The following PTPRT variants were observed in gnomAD, a reference collection of about 807,000 sequenced individuals.
The protein encoded by PTPRT is receptor-type tyrosine-protein phosphatase T.
Under a neutral mutation model 176.8 loss-of-function variants are expected in PTPRT, and 56 were observed. The ratio of observed to expected loss-of-function variants is 0.32; its 90% CI spans 0.26 to 0.40. The LOEUF is 0.40. Ranked by LOEUF, PTPRT falls within the 10% of genes least tolerant of loss-of-function variation. The probability of loss-of-function intolerance (pLI) is 1.00; values close to 1 mark genes in which losing one functional copy is unlikely to be tolerated. For synonymous variants in PTPRT, 783 were observed against 739.0 expected (o/e 1.06, Z -0.96); for missense variants, 1,540 against 1,908.2 (o/e 0.81, Z 3.60).
At chr20:42,768,770 T>A (rs1569144903) in intron 5 of PTPRT, among the ~76,000 whole-genome samples, 1 of 152,214 alleles carries the variant, frequency 6.6e-6, no homozygotes, top group Non-Finnish European at 1.5e-5. Flanking sequence ...TTTTGTGAAA[T>A]AAGATTTGGT....
intron 29 of PTPRT, among the ~76,000 whole-genome samples, chr20:42,082,874 A>C (rs1983476711): frequency 6.6e-6 from 1 of 152,188 alleles, no homozygotes; most frequent in Admixed American, 6.5e-5. Context: ...CTGGACAGAA[A>C]CTAAGGCACT....
chr20:43,107,224 G>T (rs2012654805), intron 1 of PTPRT, among the ~76,000 whole-genome samples: 1 of 152,144 alleles, frequency 6.6e-6, no homozygotes, highest in South Asian at 2.1e-4. Flanking sequence ...AGTCAAATAA[G>T]GAAGAAAATA....
intron 22 of PTPRT, among the ~76,000 whole-genome samples, chr20:42,111,679 A>G (rs1221763883): frequency 6.6e-6 from 1 of 152,204 alleles, no homozygotes; most frequent in African/African-American, 2.4e-5. Flanking sequence ...ATAAATCCCT[A>G]TATTTTTATC....
Position 42,232,370 on chromosome 20 carries a change from A to T in PTPRT, c.2342+3859T>A, listed in dbSNP as rs145479684. Among the ~76,000 whole-genome samples the T allele has an allele frequency of 9.8e-5, 15 of 152,312 alleles. No individual in the cohort carries two copies. The East Asian group carries it at 2.5e-3, about 26-fold the overall frequency. On this transcript the variant is annotated intron_variant, in intron 15 of 30. Coordinates refer to ENST00000373187, the MANE Select transcript of PTPRT (RefSeq NM_007050.6). ...TTAAGTCAGTGATTCTCTAACATGCATATGAATCACCTGCGACCTTGTTAC... is the reference window on the plus strand; with the variant it reads ...TTAAGTCAGTGATTCTCTAACATGCTTATGAATCACCTGCGACCTTGTTAC...
intron 12 of PTPRT, among the ~76,000 whole-genome samples, chr20:42,293,585 G>A (rs1299707364): frequency 6.6e-6 from 1 of 152,050 alleles, no homozygotes; most frequent in Non-Finnish European, 1.5e-5. Flanking sequence ...ATAATAAATT[G>A]CAAGGATTTG....
Position 42,282,345 on chromosome 20 carries a change from G to A in PTPRT, c.2176+144C>T, listed in dbSNP as rs527626663. On this transcript the variant is annotated intron_variant, in intron 13 of 30. Coordinates refer to ENST00000373187, the MANE Select transcript of PTPRT (RefSeq NM_007050.6). ...TACTAATATACACCCTAGAATGTAT[G>A]TTCTAGATGCAAATGACTCCGGTGA... 5.3e-5 allele frequency: 41 copies of A among 774,626 alleles called. No homozygotes were observed. The African/African-American group carries it at 5.7e-4, about 11-fold the overall frequency. The allele number at this position is 774,626 out of a possible 1,614,324, so 48.0% of individuals were successfully genotyped here.
chr20:42,725,159 C>T (rs1379263234), intron 6 of PTPRT, among the ~76,000 whole-genome samples: 1 of 151,720 alleles, frequency 6.6e-6, no homozygotes, highest in African/African-American at 2.4e-5. Flanking sequence ...TCCTGAGTAG[C>T]AGGGATCACA....
intron 16 of PTPRT, among the ~76,000 whole-genome samples, chr20:42,181,074 C>G (rs1990501575): frequency 6.6e-6 from 1 of 152,194 alleles, no homozygotes; most frequent in Non-Finnish European, 1.5e-5. Flanking sequence ...GTCCTTGGCA[C>G]ACAGTTAGGG....
chr20:42,217,675 T>G (rs2055807646), intron 15 of PTPRT, among the ~76,000 whole-genome samples: 1 of 152,212 alleles, frequency 6.6e-6, no homozygotes, highest in African/African-American at 2.4e-5. Context: ...AGTTACCTAG[T>G]GCACTGCGGG....
At chr20:43,127,551 C>T (rs1295328495) in intron 1 of PTPRT, among the ~76,000 whole-genome samples, 1 of 152,118 alleles carries the variant, frequency 6.6e-6, no homozygotes, top group Non-Finnish European at 1.5e-5. Flanking sequence ...GCTCCTTGGC[C>T]ATCCTCTAGC....
chr20:42,528,866 G>A (rs1173334573), intron 7 of PTPRT, among the ~76,000 whole-genome samples: 1 of 152,032 alleles, frequency 6.6e-6, no homozygotes, highest in Admixed American at 6.5e-5. Flanking sequence ...GATTTTTCCG[G>A]GATAGTTTCA....
At chr20:42,792,396 A>T (rs208243) in intron 2 of PTPRT, among the ~76,000 whole-genome samples, 119 of 152,116 alleles carry the variant, frequency 7.8e-4, no homozygotes, top group African/African-American at 2.8e-3. Flanking sequence ...TGAGGGGGTA[A>T]ATTTCAGTTC....
intron 6 of PTPRT, among the ~76,000 whole-genome samples, chr20:42,702,525 T>A (rs1338470877): frequency 1.3e-5 from 2 of 152,180 alleles, no homozygotes; most frequent in Non-Finnish European, 2.9e-5. Flanking sequence ...TGAACCCCCA[T>A]GGATCCTTTT....
intron 1 of PTPRT, among the ~76,000 whole-genome samples, chr20:43,186,420 C>T (rs1054483575): frequency 1.3e-5 from 2 of 152,160 alleles, no homozygotes; most frequent in Non-Finnish European, 2.9e-5. Context: ...TATCAAGGAC[C>T]ACCGCCTACA....
intron 2 of PTPRT, among the ~76,000 whole-genome samples, chr20:42,809,729 C>A (rs1460174346): frequency 6.6e-5 from 10 of 152,116 alleles, no homozygotes; most frequent in African/African-American, 1.9e-4. Flanking sequence ...CCTCATGCCT[C>A]GCATTTCAAA....
chr20:42,795,113 G>A (rs865778953), intron 2 of PTPRT, among the ~76,000 whole-genome samples: 11 of 151,974 alleles, frequency 7.2e-5, no homozygotes, highest in African/African-American at 2.2e-4. Flanking sequence ...AAAATGAGCC[G>A]GTCATTACGC....
chr20:42,492,672 GT>G (rs779480851), intron 7 of PTPRT, among the ~76,000 whole-genome samples: 20 of 152,020 alleles, frequency 1.3e-4, no homozygotes, highest in Non-Finnish European at 2.5e-4. Flanking sequence ...ATGTTATTTA[GT>G]TGTCAAATTC....
intron 6 of PTPRT, among the ~76,000 whole-genome samples, chr20:42,722,592 G>A (rs1317623705): frequency 1.3e-5 from 2 of 152,112 alleles, no homozygotes; most frequent in African/African-American, 4.8e-5. Flanking sequence ...GTCTCAGAGT[G>A]CTCTGGGTCA....
intron 9 of PTPRT, among the ~76,000 whole-genome samples, chr20:42,419,297 G>A (rs949173446): frequency 2.0e-5 from 3 of 152,182 alleles, no homozygotes; most frequent in Non-Finnish European, 2.9e-5. Flanking sequence ...AGTTGCACAT[G>A]CACACAATTT....
Sources: gnomAD v4.1 joint callset for allele counts (sites outside exome capture counted in the v4.1 genomes callset) on GRCh38, gnomAD v4.1.1 for gene constraint, MANE v1.5 for transcripts, NCBI Gene and HGNC (gene_info 2026-07-23, HGNC 2026-07-21) for gene names.